Variants in SHC4 observed in about 807,000 individuals in gnomAD.
The protein encoded by SHC4 is SHC-transforming protein 4.
SHC4 carries 41 observed loss-of-function variants against 69.4 expected under a neutral mutation model. The observed-to-expected ratio is 0.59, with a 90% CI of 0.46 to 0.77. SHC4 has a LOEUF of 0.77. SHC4 is among the 30% of genes least tolerant of loss of function. The pLI, the probability that SHC4 is intolerant of heterozygous loss-of-function variation, is 0.00. For missense variants in SHC4, 777 were observed against 783.8 expected, an observed-to-expected ratio of 0.99 and a Z score of 0.10; for synonymous variants, 318 against 299.3, an observed-to-expected ratio of 1.06 and a Z score of -0.64.
chr15:48,901,893 G>A (rs1413513829), intron 2 of SHC4, among the ~76,000 whole-genome samples: 2 of 152,136 alleles, frequency 1.3e-5, no homozygotes, highest in African/African-American at 4.8e-5. Flanking sequence ...TCCTTATAAT[G>A]GCTATCTACT....
intron 6 of SHC4, among the ~76,000 whole-genome samples, chr15:48,862,066 C>G (rs1232488451): frequency 6.6e-6 from 1 of 152,112 alleles, no homozygotes; most frequent in Non-Finnish European, 1.5e-5. Flanking sequence ...AAGAAACAAC[C>G]TCAAAGAGGC....
intron 2 of SHC4, among the ~76,000 whole-genome samples, chr15:48,922,893 A>C (rs1015302559): frequency 6.6e-6 from 1 of 152,232 alleles, no homozygotes; most frequent in Admixed American, 6.5e-5. Flanking sequence ...TCACTTGAAG[A>C]GTAATTGAAG....
intron 8 of SHC4, among the ~76,000 whole-genome samples, chr15:48,853,370 T>G (rs1899251705): frequency 6.6e-6 from 1 of 152,102 alleles, no homozygotes; most frequent in South Asian, 2.1e-4. Context: ...TGCTTATGGA[T>G]TGGAAGAATC....
At chr15:48,946,699 G>C in intron 1 of SHC4, 1 of 525,052 alleles carries the variant, frequency 1.9e-6, no homozygotes, top group Non-Finnish European at 2.4e-6. Flanking sequence ...AACGCATTTG[G>C]AACATTCTCT....
At chr15:48,953,953 A>C (rs1901404386) in intron 1 of SHC4, among the ~76,000 whole-genome samples, 1 of 152,248 alleles carries the variant, frequency 6.6e-6, no homozygotes, top group Non-Finnish European at 1.5e-5. Flanking sequence ...GATTTAAAAG[A>C]GGGGAAAGAA....
rs537913024 is a variant in SHC4 at position 48,834,825 on chromosome 15, T to C, written c.1681A>G (p.Ser561Gly). 8 of 1,614,168 alleles carry C rather than the reference T, an allele frequency of 5.0e-6. No individual in the cohort carries two copies. In the South Asian group the frequency reaches 5.5e-5, roughly 11 times the overall value. Residue 561 changes from serine (S) to glycine (G), a missense_variant, in exon 11 of 12, where the codon AGT (serine) becomes GGT (glycine). By Grantham distance (56) the Ser-to-Gly change is moderately conservative (BLOSUM62 0). Transcript: ENST00000332408. ...TTTGCTTGGCCTCCCTGTAGTCCAC[T>C]CAGCACATATTGGCCAGGGGATGTT... ...SATSPGQYVL[S>G]GLQGGQAKHL...
chr15:48,949,474 A>G (rs1159380329), intron 1 of SHC4, among the ~76,000 whole-genome samples: 1 of 151,808 alleles, frequency 6.6e-6, no homozygotes, highest in East Asian at 1.9e-4. Context: ...TGCCTGTATC[A>G]AGACCTTGAT....
At chr15:48,913,676 G>A (rs1365929400) in intron 2 of SHC4, among the ~76,000 whole-genome samples, 2 of 152,130 alleles carry the variant, frequency 1.3e-5, no homozygotes, top group Non-Finnish European at 2.9e-5. Context: ...TTCTCCCTGT[G>A]GAGTTTTAAC....
At position 48,890,779 on chromosome 15, in the gene SHC4, G is replaced by A. The variant is rs370366585; in HGVS notation, c.689C>T (p.Pro230Leu). Reference protein sequence around the residue: ...EAISRLCEAVPGANGAIKKRK... With the variant: ...EAISRLCEAVLGANGAIKKRK... The stretch of plus-strand genomic sequence containing the variant: ...CTTTTTAATGGCTCCATTTGCCCCG[G>A]GGACAGCTTCACACAGGCGACTTAT... Residue 230 changes from proline (P) to leucine (L), a missense_variant, in exon 3 of 12, where the codon CCC (proline) becomes CTC (leucine). Pro to Leu is a moderately conservative substitution (Grantham distance 98). Transcript: ENST00000332408. 4 of 1,614,076 alleles carry A rather than the reference G, an allele frequency of 2.5e-6. No homozygotes were observed. Among genetic ancestry groups the A allele is most frequent in the African/African-American group, 2.7e-5 (2 of 75,008 alleles).
intron 1 of SHC4, among the ~76,000 whole-genome samples, chr15:48,956,685 C>T (rs531975499): frequency 6.6e-6 from 1 of 152,264 alleles, no homozygotes; most frequent in South Asian, 2.1e-4. Context: ...TCCACCCATG[C>T]CAGTATAACA....
At chr15:48,838,904 A>G (rs758339126) in intron 10 of SHC4, among the ~76,000 whole-genome samples, 1 of 152,140 alleles carries the variant, frequency 6.6e-6, no homozygotes, top group South Asian at 2.1e-4. Flanking sequence ...TTTTATTATG[A>G]AAATAAAACT....
chr15:48,848,079 A>G (rs1340066780), intron 9 of SHC4, among the ~76,000 whole-genome samples: 1 of 152,150 alleles, frequency 6.6e-6, no homozygotes, highest in African/African-American at 2.4e-5. Flanking sequence ...ACAGGTCTCA[A>G]GATAGGATTA....
At chr15:48,878,576 A>G (rs539082813) in intron 4 of SHC4, 2 of 1,614,054 alleles carry the variant, frequency 1.2e-6, no homozygotes, top group South Asian at 1.1e-5. Flanking sequence ...AGCCGACAAG[A>G]TGTTTCTGAG....
intron 2 of SHC4, among the ~76,000 whole-genome samples, chr15:48,920,973 G>T (rs546932392): frequency 6.6e-6 from 1 of 152,012 alleles, no homozygotes; most frequent in South Asian, 2.1e-4. Context: ...TGAAGAAGAA[G>T]GAGAAGGAGG....
intron 1 of SHC4, among the ~76,000 whole-genome samples, chr15:48,951,738 C>G (rs1347847116): frequency 1.4e-4 from 21 of 152,186 alleles, no homozygotes; most frequent in Admixed American, 1.4e-3. Context: ...AGGTAAGATA[C>G]CTCTTCCTCC....
chr15:48,962,414 G>A lies in SHC4; in HGVS notation c.585+17C>T. 1 of 1,512,906 alleles carries A rather than the reference G, an allele frequency of 6.6e-7. No homozygotes were observed. Among genetic ancestry groups the A allele is most frequent in the Admixed American group, 2.3e-5 (1 of 43,714 alleles). The allele number at this position is 1,512,906 out of a possible 1,614,324, so 93.7% of individuals were successfully genotyped here. A position where few individuals can be genotyped will look rare whatever the true frequency, so the allele number is the denominator to read the frequency against. The stretch of plus-strand genomic sequence containing the variant: ...TCCACGGAAGTTCTTAGAGGGCAGA[G>A]AGGAAAATGGACTTACCCTCACACA... On this transcript the variant is annotated intron_variant, in intron 1 of 11. Transcript: ENST00000332408.
chr15:48,959,777 T>G (rs543875311), intron 1 of SHC4, among the ~76,000 whole-genome samples: 8 of 152,242 alleles, frequency 5.3e-5, no homozygotes, highest in Non-Finnish European at 8.8e-5. Flanking sequence ...GCATTTCATT[T>G]TTCAAAATTG....
chr15:48,951,994 G>A (rs950587062), intron 1 of SHC4, among the ~76,000 whole-genome samples: 3 of 152,088 alleles, frequency 2.0e-5, no homozygotes, highest in African/African-American at 4.8e-5. Context: ...TAGTCTTTGC[G>A]CTGCTGCCGA....
chr15:48,874,238 A>C (rs1420309599), intron 4 of SHC4, among the ~76,000 whole-genome samples: 1 of 152,176 alleles, frequency 6.6e-6, no homozygotes, highest in African/African-American at 2.4e-5. Context: ...ACAAGAATTC[A>C]AAGTCTAAAA....
Sources: gnomAD v4.1 joint callset for allele counts (sites outside exome capture counted in the v4.1 genomes callset) on GRCh38, gnomAD v4.1.1 for gene constraint, MANE v1.5 for transcripts, NCBI Gene and HGNC (gene_info 2026-07-23, HGNC 2026-07-21) for gene names.